Variants in DST observed in about 807,000 individuals in gnomAD.
DST encodes the protein bullous pemphigoid antigen.
DST carries 253 observed loss-of-function variants against 875.2 expected under a neutral mutation model. The ratio of observed to expected loss-of-function variants is 0.29; its 90% confidence interval spans 0.26 to 0.32. The LOEUF (loss-of-function observed/expected upper bound fraction) is 0.32, where lower values mean the gene tolerates loss of function less well. Among genes scored for constraint, DST ranks in the 10% least tolerant of loss-of-function variants. DST has a pLI of 1.00. For missense variants in DST, 8,287 were observed against 9,111.6 expected, an observed-to-expected ratio of 0.91 and a Z score of 3.68; for synonymous variants, 3,124 against 3,197.1, an observed-to-expected ratio of 0.98 and a Z score of 0.77.
chr6:56,888,624 G>A (rs1367735879), intron 3 of DST, among the ~76,000 whole-genome samples: 2 of 152,134 alleles, frequency 1.3e-5, no homozygotes, highest in African/African-American at 4.8e-5. Context: ...AAGGAACACA[G>A]AAACACCCTG....
intron 3 of DST, among the ~76,000 whole-genome samples, chr6:56,865,840 G>A (rs1049118066): frequency 2.6e-5 from 4 of 152,112 alleles, no homozygotes; most frequent in Admixed American, 6.5e-5. Flanking sequence ...TCCCATTAGA[G>A]CATTTCTAAG....
rs1324486479 is a variant in DST, at chr6:56,497,397, C to A, written c.20205G>T (p.Glu6735Asp). ...PLGGLPETAK[E>D]QLNVHMEVCA... ...TGCTTACCATATGGACATTAAGCTG[C>A]TCCTTGGCTGTTTCCGGTAAACCTC... Residue 6735 changes from glutamate (E) to aspartate (D), a missense_variant, in exon 82 of 104, where the codon GAG becomes GAT. Glu to Asp is a conservative substitution (Grantham distance 45). Around this residue, in one of 10 missense-constraint regions of DST, gnomAD observed 1,292 missense variants for 1,552.7 expected, o/e 0.83. Transcript: ENST00000680361. 2.5e-6 allele frequency: 4 copies of A among 1,613,096 alleles called. No homozygotes were observed. Among genetic ancestry groups the A allele is most frequent in the Non-Finnish European group, 3.4e-6 (4 of 1,179,286 alleles).
In DST at chr6:56,557,384, C is replaced by A. The variant is rs770511742; in HGVS notation, c.14575G>T (p.Val4859Phe). ...ATTGACAAGGGCCCAAGAACACTGA[C>A]CATAAGTTCTTTTTCCACAAGCCAC... ...KQWLVEKELMVSVLGPLSIDP... is the reference protein window; with the variant it reads ...KQWLVEKELMFSVLGPLSIDP... Residue 4859 changes from valine to phenylalanine, a missense_variant, in exon 59 of 104, where the codon GTC becomes TTC. Physicochemically the swap from Val to Phe is conservative, Grantham distance 50 (BLOSUM62 -1). Around this residue, in one of 10 missense-constraint regions of DST, gnomAD observed 1,513 missense variants for 1,677.8 expected, o/e 0.90. Transcript: ENST00000680361. 1.9e-6 allele frequency: 3 copies of A among 1,613,594 alleles called. No individual in the cohort carries two copies. Among genetic ancestry groups the A allele is most frequent in the Non-Finnish European group, 8.5e-7 (1 of 1,179,724 alleles).
intron 43 of DST, 55 bp from the exon 44 acceptor site, chr6:56,601,731 A>C: frequency 2.0e-6 from 2 of 993,734 alleles, no homozygotes; most frequent in Non-Finnish European, 2.9e-6. Flanking sequence ...GATAAAATTT[A>C]TATTAACAAT....
At chr6:56,764,460 C>T (rs1197592290) in intron 4 of DST, among the ~76,000 whole-genome samples, 1 of 152,154 alleles carries the variant, frequency 6.6e-6, no homozygotes, top group Admixed American at 6.5e-5. Flanking sequence ...GCCTGGGATC[C>T]CCTGGCTGCA....
intron 69 of DST, among the ~76,000 whole-genome samples, chr6:56,523,704 G>A (rs1378846294): frequency 6.6e-6 from 1 of 152,114 alleles, no homozygotes; most frequent in African/African-American, 2.4e-5. Context: ...AGAACACCTA[G>A]TCATTGAAAA....
intron 3 of DST, among the ~76,000 whole-genome samples, chr6:56,857,283 A>C (rs1193757570): frequency 6.6e-6 from 1 of 152,164 alleles, no homozygotes; most frequent in Non-Finnish European, 1.5e-5. Flanking sequence ...ATCTCAAAGT[A>C]CTGGGATAAC....
intron 90 of DST, among the ~76,000 whole-genome samples, chr6:56,480,740 G>A (rs969768470): frequency 2.0e-5 from 3 of 152,210 alleles, no homozygotes; most frequent in East Asian, 1.9e-4. Context: ...CTCTGGATAC[G>A]TGCCTTCTGG....
At chr6:56,490,255 T>C (rs1192136638) in intron 85 of DST, among the ~76,000 whole-genome samples, 1 of 152,182 alleles carries the variant, frequency 6.6e-6, no homozygotes, top group Non-Finnish European at 1.5e-5. Context: ...AATGTTATTC[T>C]CTTTGGCATC....
intron 9 of DST, among the ~76,000 whole-genome samples, chr6:56,690,234 G>A (rs893648672): frequency 6.6e-5 from 10 of 152,088 alleles, no homozygotes; most frequent in Admixed American, 3.3e-4. Context: ...TGTATATGAG[G>A]CATAGTCTAT....
chr6:56,899,455 G>A (rs980640153), intron 3 of DST, among the ~76,000 whole-genome samples: 1 of 151,850 alleles, frequency 6.6e-6, no homozygotes, highest in Non-Finnish European at 1.5e-5. Flanking sequence ...CATTCTCTTG[G>A]CCTTCGCACA....
chr6:56,644,782 G>A (rs557131230), intron 15 of DST, among the ~76,000 whole-genome samples: 11 of 152,322 alleles, frequency 7.2e-5, no homozygotes, highest in South Asian at 2.1e-4. Context: ...CAAGGGGGCT[G>A]GAGAGGTGTG....
intron 88 of DST, 181 bp downstream of exon 88, chr6:56,485,131 C>CA: frequency 3.3e-6 from 2 of 602,840 alleles, no homozygotes; most frequent in South Asian, 5.1e-5. Flanking sequence ...AATACTTCCC[C>CA]ATCACTTTTA....
chr6:56,525,333 G>A (rs939236923), intron 69 of DST, among the ~76,000 whole-genome samples: 2 of 152,110 alleles, frequency 1.3e-5, no homozygotes, highest in Admixed American at 6.5e-5. Context: ...TTTAAACAGA[G>A]TCACACAAAT....
rs1208234448 is a variant in DST at position 56,742,254 on chromosome 6, T to A, written c.626-6965A>T. On this transcript the variant is annotated intron_variant, in intron 4 of 103. Coordinates refer to ENST00000680361, the MANE Select transcript of DST (RefSeq NM_001374736.1). ...TTCTGAAAACATGAAAGTGATAGTATATGTGATACTACTAACCCATACAGC... is the reference window on the plus strand; with the variant it reads ...TTCTGAAAACATGAAAGTGATAGTAAATGTGATACTACTAACCCATACAGC... The A allele has an allele frequency of 3.2e-6, 4 of 1,266,118 alleles. No homozygotes were observed. In the East Asian group the frequency reaches 2.2e-4, roughly 71 times the overall value. 78.4% of individuals were successfully genotyped at this position (1,266,118 alleles called of 1,614,324 possible).
chr6:56,469,926 G>A lies in DST; in HGVS notation c.22508C>T (p.Ala7503Val), dbSNP rs375537322. Reference protein sequence around the residue: ...VTRQVAKCKCAKRFQVEQIGD... With the variant: ...VTRQVAKCKCVKRFQVEQIGD... ...AATCTGCTCAACTTGAAATCGCTTT[G>A]CACATTTACACTTAGCTACCTGCCT... The change falls in exon 97 of 104, where the codon GCA (alanine) becomes GTA (valine). Residue 7503 changes from alanine to valine, a missense_variant. By Grantham distance (64) the Ala-to-Val change is moderately conservative. This residue lies in a region of DST where 87 missense variants were observed against 209.7 expected (regional missense o/e 0.41). Transcript: ENST00000680361. The A allele has an allele frequency of 2.5e-6, 4 of 1,613,370 alleles. No individual in the cohort carries two copies. The highest frequency in any genetic ancestry group is 3.4e-6 in the Non-Finnish European group (4 of 1,179,482).
rs6908417 is a variant in DST, at chr6:56,627,153, G to C, written c.4722+51C>G. ...TTGCATGGCTTTAACAGTACATGTA[G>C]AATCACAAACCTGAATATTAAATTT... is the stretch of plus-strand genomic sequence containing the variant. On this transcript the variant is annotated intron_variant, in intron 34 of 103. Transcript: ENST00000680361. 5,099 of 1,336,758 alleles carry C rather than the reference G, an allele frequency of 3.8e-3. 136 individuals carry two copies. In the African/African-American group the frequency reaches 0.063, roughly 16 times the overall value. The allele number at this position is 1,336,758 out of a possible 1,614,324, so 82.8% of individuals were successfully genotyped here. A position where few individuals can be genotyped will look rare whatever the true frequency, so the allele number is the denominator to read the frequency against.
At chr6:56,824,603 C>A (rs1390487461) in intron 4 of DST, among the ~76,000 whole-genome samples, 2 of 151,538 alleles carry the variant, frequency 1.3e-5, no homozygotes, top group Non-Finnish European at 2.9e-5. Context: ...ATGTGGGAAG[C>A]GCCTCTGCCC....
chr6:56,667,717 G>T (rs567476408), intron 10 of DST, among the ~76,000 whole-genome samples: 16 of 152,046 alleles, frequency 1.1e-4, no homozygotes, highest in African/African-American at 3.6e-4. Context: ...CTCACCTAAA[G>T]CAGTAAGAGC....
Sources: gnomAD v4.1 joint callset for allele counts (sites outside exome capture counted in the v4.1 genomes callset) on GRCh38, gnomAD v4.1.1 for gene constraint, gnomAD v4.1.1 regional missense constraint, MANE v1.5 for transcripts, NCBI Gene and HGNC (gene_info 2026-07-23, HGNC 2026-07-21) for gene names.